The following NCAM2 variants were observed in gnomAD, a reference collection of about 807,000 sequenced individuals.
NCAM2 encodes the protein neural cell adhesion molecule 2.
Under a neutral mutation model 98.1 loss-of-function variants are expected in NCAM2, and 30 were observed. That is an observed-to-expected ratio of 0.31 (90% CI 0.23 to 0.41). The LOEUF (loss-of-function observed/expected upper bound fraction) is 0.41. NCAM2 is among the 10% of genes least tolerant of loss of function. The probability of loss-of-function intolerance (pLI) is 1.00; values close to 1 mark genes in which losing one functional copy is unlikely to be tolerated. For missense variants in NCAM2, 867 were observed against 1,005.8 expected (o/e 0.86, Z 1.87); for synonymous variants, 368 against 342.4 (o/e 1.07, Z -0.83).
chr21:21,329,567 A>C (rs536161275), intron 6 of NCAM2, among the ~76,000 whole-genome samples: 2 of 152,296 alleles, frequency 1.3e-5, no homozygotes, highest in East Asian at 3.9e-4. Context: ...GGCTGGAATC[A>C]ATGTGTCAAT....
At chr21:21,076,946 T>G (rs2146387644) in intron 1 of NCAM2, among the ~76,000 whole-genome samples, 1 of 152,268 alleles carries the variant, frequency 6.6e-6, no homozygotes, top group East Asian at 1.9e-4. Flanking sequence ...GACTGCAACC[T>G]TGGCCCAATT....
At chr21:21,241,209 A>G (rs1973930694) in intron 1 of NCAM2, among the ~76,000 whole-genome samples, 1 of 152,152 alleles carries the variant, frequency 6.6e-6, no homozygotes, top group Admixed American at 6.5e-5. Flanking sequence ...GAAAAGAACA[A>G]TGACAACAAA....
At chr21:21,335,469 A>G in intron 6 of NCAM2, 36 bp from the exon 7 acceptor site, 1 of 1,545,632 alleles carries the variant, frequency 6.5e-7, no homozygotes, top group Non-Finnish European at 8.7e-7. Flanking sequence ...TTATAAAGCC[A>G]GATCTGTGAG....
intron 16 of NCAM2, among the ~76,000 whole-genome samples, chr21:21,530,325 A>ATATAT (rs1989614202): frequency 1.2e-4 from 3 of 24,214 alleles, no homozygotes; most frequent in Admixed American, 6.2e-4. Flanking sequence ...TAATTAAATT[A>ATATAT]AATTAAATTA....
intron 1 of NCAM2, among the ~76,000 whole-genome samples, chr21:21,156,229 G>A (rs1259891640): frequency 6.6e-6 from 1 of 151,348 alleles, no homozygotes; most frequent in Non-Finnish European, 1.5e-5. Flanking sequence ...AGCATTTTTT[G>A]TTTCTGTTTA....
chr21:21,232,207 T>A (rs538799170), intron 1 of NCAM2, among the ~76,000 whole-genome samples: 1 of 151,608 alleles, frequency 6.6e-6, no homozygotes, highest in East Asian at 1.9e-4. Flanking sequence ...TACTTAAATT[T>A]TTACCAGTTA....
intron 15 of NCAM2, among the ~76,000 whole-genome samples, chr21:21,488,388 AT>A (rs1301505644): frequency 6.6e-6 from 1 of 152,048 alleles, no homozygotes; most frequent in Non-Finnish European, 1.5e-5. Context: ...GTACAATTAA[AT>A]TTATGATTAG....
In NCAM2 at chr21:21,265,421, A is replaced by T. The variant is rs1466888092; in HGVS notation, c.56-15157A>T. On this transcript the variant is annotated intron_variant, in intron 1 of 17. Transcript: ENST00000400546. ...TATATTATATATGTGTATATATAAT[A>T]TATGTGTGTATATATATTATATATA... is the stretch of plus-strand genomic sequence containing the variant. Among the ~76,000 whole-genome samples the T allele has an allele frequency of 1.4e-4, 11 of 79,076 alleles. 2 individuals carry two copies. The South Asian group carries it at 5.0e-3, about 36-fold the overall frequency. 51.9% of individuals were successfully genotyped at this position (79,076 alleles called of 152,430 possible).
chr21:21,208,453 T>C (rs988242216), intron 1 of NCAM2, among the ~76,000 whole-genome samples: 2 of 152,164 alleles, frequency 1.3e-5, no homozygotes, highest in African/African-American at 4.8e-5. Flanking sequence ...AGAGCCCAAG[T>C]GTGCTGACAT....
At chr21:21,157,643 T>C (rs1440663058) in intron 1 of NCAM2, among the ~76,000 whole-genome samples, 1 of 152,130 alleles carries the variant, frequency 6.6e-6, no homozygotes, top group East Asian at 1.9e-4. Context: ...GATTTTCCTT[T>C]ATATGGAATC....
intron 12 of NCAM2, among the ~76,000 whole-genome samples, chr21:21,433,136 T>G (rs1012695118): frequency 3.3e-5 from 5 of 152,190 alleles, no homozygotes; most frequent in African/African-American, 4.8e-5. Flanking sequence ...TGACCCTACT[T>G]TATCAGTTTG....
chr21:21,365,659 C>G (rs1054087394), intron 8 of NCAM2, among the ~76,000 whole-genome samples: 3 of 151,792 alleles, frequency 2.0e-5, no homozygotes, highest in Admixed American at 6.6e-5. Context: ...TTTTAATGGG[C>G]CCTGCATATG....
chr21:21,246,341 G>A (rs554670748), intron 1 of NCAM2, among the ~76,000 whole-genome samples: 6 of 152,124 alleles, frequency 3.9e-5, no homozygotes, highest in Non-Finnish European at 7.4e-5. Context: ...TAAACTATGA[G>A]GTAAATATTT....
intron 1 of NCAM2, among the ~76,000 whole-genome samples, chr21:21,263,885 G>A (rs561722665): frequency 5.3e-5 from 8 of 151,922 alleles, no homozygotes; most frequent in African/African-American, 7.3e-5. Flanking sequence ...TAAATATAAA[G>A]TCCAAAAACA....
chr21:21,439,266 G>A (rs117078628), intron 12 of NCAM2, among the ~76,000 whole-genome samples: 23,592 of 151,774 alleles, frequency 0.16, 1,872 homozygotes, highest in Middle Eastern at 0.18. Context: ...TTACAGGTGC[G>A]CGCCATCACA....
chr21:21,018,192 A>G (rs2064357415), intron 1 of NCAM2, among the ~76,000 whole-genome samples: 1 of 152,214 alleles, frequency 6.6e-6, no homozygotes, highest in Non-Finnish European at 1.5e-5. Context: ...TTGTTACACA[A>G]AACGAAGAGC....
At chr21:21,232,584 A>T (rs1045387312) in intron 1 of NCAM2, among the ~76,000 whole-genome samples, 12 of 151,606 alleles carry the variant, frequency 7.9e-5, no homozygotes, top group African/African-American at 2.4e-4. Context: ...ACAGCCAATG[A>T]TCTTAGGAAA....
At chr21:21,081,387 A>G (rs1029409064) in intron 1 of NCAM2, among the ~76,000 whole-genome samples, 3 of 152,056 alleles carry the variant, frequency 2.0e-5, no homozygotes, top group Non-Finnish European at 4.4e-5. Flanking sequence ...ACAGTTAACA[A>G]CCACCTGACC....
At chr21:21,172,723 T>C (rs2068163820) in intron 1 of NCAM2, among the ~76,000 whole-genome samples, 2 of 152,150 alleles carry the variant, frequency 1.3e-5, no homozygotes, top group South Asian at 4.1e-4. Context: ...ACTTTAGTCA[T>C]TGAATATATG....
Sources: allele counts gnomAD v4.1 joint callset (sites outside exome capture counted in the v4.1 genomes callset), GRCh38; gene constraint gnomAD v4.1.1; transcripts MANE v1.5; gene names NCBI Gene and HGNC (gene_info 2026-07-23, HGNC 2026-07-21).